The following YEATS2 variants were observed in gnomAD, a reference collection of about 807,000 sequenced individuals.
YEATS2 encodes the protein YEATS domain containing 2.
In YEATS2, 77 loss-of-function variants were observed where a neutral mutation model predicts 163.2. That is an observed-to-expected ratio of 0.47 (90% CI 0.39 to 0.57). The LOEUF is 0.57. Among genes scored for constraint, YEATS2 ranks in the 20% least tolerant of loss-of-function variants. The pLI, the probability that YEATS2 is intolerant of heterozygous loss-of-function variation, is 0.00. For synonymous variants in YEATS2, 631 were observed against 645.1 expected (o/e 0.98, Z 0.33); for missense variants, 1,549 against 1,729.8 (o/e 0.90, Z 1.85).
At position 183,810,787 on chromosome 3, in the gene YEATS2, T is replaced by C; in HGVS notation, c.*204T>C. ...CTAGGACAGGAGTTTGTTTCCTGAG[T>C]GTGGAGTGAGGCTGTCAGTGGATCC... On this transcript the variant is annotated 3_prime_UTR_variant, in exon 31 of 31. Transcript: ENST00000305135. 1.8e-6 allele frequency: 1 copy of C among 557,694 alleles called. No homozygotes were observed. Among genetic ancestry groups the C allele is most frequent in the South Asian group, 2.0e-5 (1 of 49,964 alleles). 34.5% of individuals were successfully genotyped at this position (557,694 alleles called of 1,614,324 possible). A position where few individuals can be genotyped will look rare whatever the true frequency, so the allele number is the denominator to read the frequency against.
In YEATS2 at chr3:183,806,833, C is replaced by T. The variant is rs556888297; in HGVS notation, c.3785-33C>T. On this transcript the variant is annotated intron_variant, in intron 27 of 30. Transcript: ENST00000305135. ...GGAAAGTCCTCTTCCGTTGGCCCCA[C>T]AGCTGTTGTAACACTGCTTGCCTGT... 12 of 1,611,012 alleles carry T rather than the reference C, an allele frequency of 7.4e-6. No individual in the cohort carries two copies. The African/African-American group carries it at 1.2e-4, about 16-fold the overall frequency.
intron 28 of YEATS2, 67 bp downstream of exon 28, chr3:183,807,159 C>A (rs1726299644): frequency 2.8e-6 from 4 of 1,431,618 alleles, no homozygotes; most frequent in Non-Finnish European, 1.9e-6. Flanking sequence ...AGACGTTCAG[C>A]TTCACAGACC....
chr3:183,773,491 G>C, intron 16 of YEATS2, 142 bp from the exon 17 acceptor site: 1 of 789,256 alleles, frequency 1.3e-6, no homozygotes, highest in Non-Finnish European at 2.0e-6. Flanking sequence ...AGTCTTTAAA[G>C]CATTGTGCAT....
chr3:183,767,944 CT>C (rs1490660484), intron 15 of YEATS2, among the ~76,000 whole-genome samples: 9 of 152,262 alleles, frequency 5.9e-5, no homozygotes, highest in African/African-American at 1.9e-4. Flanking sequence ...TGAAGTAGGT[CT>C]AAAAATGTGT....
rs751302139 is a variant in YEATS2, at chr3:183,704,989, T to C, written c.-20+6996T>C. On this transcript the variant is annotated intron_variant, in intron 1 of 30. Coordinates refer to ENST00000305135, the MANE Select transcript of YEATS2 (RefSeq NM_018023.5). The stretch of plus-strand genomic sequence containing the variant: ...TTTCTGTTGGGTTCAGAGTTGTGTG[T>C]ATTTGTTAATTCTGGCTTGTTAATT... Among the ~76,000 whole-genome samples the C allele has an allele frequency of 8.3e-4, 126 of 152,180 alleles. 1 individual carries two copies. The highest frequency in any genetic ancestry group is 1.5e-4 in the Non-Finnish European group (10 of 68,034).
intron 7 of YEATS2, among the ~76,000 whole-genome samples, chr3:183,736,466 T>A (rs891201729): frequency 2.0e-5 from 3 of 152,164 alleles, no homozygotes; most frequent in Non-Finnish European, 4.4e-5. Context: ...TGACATTGGA[T>A]TATATGGTCT....
chr3:183,723,281 T>C (rs533589409), intron 5 of YEATS2, among the ~76,000 whole-genome samples: 5 of 152,356 alleles, frequency 3.3e-5, no homozygotes, highest in Admixed American at 6.5e-5. Flanking sequence ...TTGAAAAATA[T>C]TTGGCTATAG....
At chr3:183,749,769 T>C (rs1165029044) in intron 9 of YEATS2, among the ~76,000 whole-genome samples, 2 of 152,276 alleles carry the variant, frequency 1.3e-5, no homozygotes, top group Non-Finnish European at 2.9e-5. Context: ...TAGCTGGGAC[T>C]GTGGGCGTGT....
chr3:183,725,667 A>G (rs1315939491), intron 6 of YEATS2, among the ~76,000 whole-genome samples: 1 of 152,342 alleles, frequency 6.6e-6, no homozygotes, highest in East Asian at 1.9e-4. Context: ...CACCCCCATG[A>G]TTCAATTACC....
chr3:183,717,636 A>G lies in YEATS2; in HGVS notation c.101-15A>G, dbSNP rs571345502. The G allele has an allele frequency of 6.5e-6, 10 of 1,537,992 alleles. No individual in the cohort carries two copies. The highest frequency in any genetic ancestry group is 7.8e-6 in the Non-Finnish European group (9 of 1,149,010). ...ATTAATTAGGCCTTGGATGTATTTT[A>G]TGTTCTTTGTACAGCTCGAGATGCT... On this transcript the variant is annotated splice_polypyrimidine_tract_variant and intron_variant, in intron 2 of 30. Transcript: ENST00000305135.
intron 1 of YEATS2, among the ~76,000 whole-genome samples, chr3:183,705,109 C>A (rs780756753): frequency 1.3e-5 from 2 of 151,956 alleles, no homozygotes; most frequent in Admixed American, 1.3e-4. Flanking sequence ...GGTGCAACGG[C>A]GCGATCTCAG....
Position 183,798,980 on chromosome 3 carries a change from G to C in YEATS2, c.3316G>C (p.Val1106Leu). Residue 1106 changes from valine (V) to leucine (L), a missense_variant, in exon 23 of 31, where the codon GTT becomes CTT. By Grantham distance (32) the Val-to-Leu change is conservative. Coordinates refer to ENST00000305135, the MANE Select transcript of YEATS2 (RefSeq NM_018023.5). ...TGTCCCCAGCTCTGCTCCAGCAGCT[G>C]TTGCAAAAGGTACGTAGGATCTCAC... The part of the protein sequence containing the change: ...PVVPSSAPAA[V>L]AKVKTEPETP... 6.2e-7 allele frequency: 1 copy of C among 1,613,426 alleles called. No individual in the cohort carries two copies. Among genetic ancestry groups the C allele is most frequent in the Non-Finnish European group, 8.5e-7 (1 of 1,179,350 alleles).
chr3:183,783,981 C>T (rs138515000), intron 19 of YEATS2, among the ~76,000 whole-genome samples: 1 of 152,118 alleles, frequency 6.6e-6, no homozygotes, highest in African/African-American at 2.4e-5. Context: ...GGCTGGAGTG[C>T]AGCACCCTCG....
At chr3:183,791,191 AC>A (rs1478265331) in intron 21 of YEATS2, among the ~76,000 whole-genome samples, 1 of 152,010 alleles carries the variant, frequency 6.6e-6, no homozygotes, top group Admixed American at 6.6e-5. Flanking sequence ...ATGTCACCAC[AC>A]CCAGCTAATT....
chr3:183,776,258 T>C (rs1306077202), intron 18 of YEATS2, 135 bp downstream of exon 18: 1 of 964,134 alleles, frequency 1.0e-6, no homozygotes, highest in Non-Finnish European at 1.5e-6. Context: ...TATATCTATA[T>C]CTTGGCCGGG....
chr3:183,710,696 G>GT (rs66483673), intron 1 of YEATS2, among the ~76,000 whole-genome samples: 226 of 148,436 alleles, frequency 1.5e-3, no homozygotes, highest in African/African-American at 5.0e-3. Context: ...CAAAGAGAGG[G>GT]TTTTTTTTTT....
At position 183,776,050 on chromosome 3, in the gene YEATS2, A is replaced by C. The variant is rs754656752; in HGVS notation, c.2504A>C (p.Gln835Pro). 6.2e-7 allele frequency: 1 copy of C among 1,613,276 alleles called. No homozygotes were observed. Among genetic ancestry groups the C allele is most frequent in the South Asian group, 1.1e-5 (1 of 90,942 alleles). ...GGGGTAGGGT[Q>P]STAGPGGISQ... is the part of the protein sequence containing the mutation. ...GGAGGAACAGCAGGAGGAGGAACTCAAAGTACTGCTGGCCCTGGAGGGATA... is the reference window on the plus strand; with the variant it reads ...GGAGGAACAGCAGGAGGAGGAACTCCAAGTACTGCTGGCCCTGGAGGGATA... The change falls in exon 18 of 31, where the codon CAA becomes CCA. Residue 835 changes from glutamine to proline, a missense_variant. Physicochemically the swap from Gln to Pro is moderately conservative, Grantham distance 76. Transcript: ENST00000305135.
chr3:183,702,698 G>A (rs1272760964), intron 1 of YEATS2, among the ~76,000 whole-genome samples: 1 of 151,716 alleles, frequency 6.6e-6, no homozygotes, highest in Non-Finnish European at 1.5e-5. Flanking sequence ...AATTAGACGT[G>A]GTGGTGTGCG....
intron 2 of YEATS2, among the ~76,000 whole-genome samples, chr3:183,715,496 G>C (rs1277638190): frequency 3.9e-5 from 6 of 152,040 alleles, no homozygotes; most frequent in African/African-American, 1.2e-4. Flanking sequence ...CAAACTGTGA[G>C]TTTTAGCGAT....
Sources: gnomAD v4.1 joint callset for allele counts (sites outside exome capture counted in the v4.1 genomes callset) on GRCh38, gnomAD v4.1.1 for gene constraint, MANE v1.5 for transcripts, NCBI Gene and HGNC (gene_info 2026-07-23, HGNC 2026-07-21) for gene names.